KDM4C: variants seen among roughly 807,000 people sequenced by gnomAD.
KDM4C encodes lysine-specific demethylase 4C.
A neutral mutation model predicts 129.3 loss-of-function variants in KDM4C; 81 were observed. That is an observed-to-expected ratio of 0.63 (90% CI 0.52 to 0.75). The LOEUF is 0.75. Ranked by LOEUF, KDM4C falls within the 30% of genes least tolerant of loss-of-function variation. KDM4C has a pLI of 0.00. For missense variants in KDM4C, 1,457 were observed against 1,304.0 expected (o/e 1.12, Z -1.81); for synonymous variants, 573 against 456.1 (o/e 1.26, Z -3.26).
At chr9:6,757,814 C>A, upstream of KDM4C, 2 of 985,618 alleles carry the variant, frequency 2.0e-6, no homozygotes, top group Non-Finnish European at 2.4e-6. Context: ...GTCCAAAGGA[C>A]AAGAAGATGC....
intron 18 of KDM4C, among the ~76,000 whole-genome samples, chr9:7,122,257 A>ACTCTCTCTCTCT (rs1177380751): frequency 9.4e-6 from 1 of 105,968 alleles, no homozygotes; most frequent in East Asian, 2.2e-4. Flanking sequence ...ACACACACAC[A>ACTCTCTCTCTCT]CACACACACT....
intron 8 of KDM4C, among the ~76,000 whole-genome samples, chr9:6,963,931 A>G (rs573511240): frequency 1.3e-5 from 2 of 152,270 alleles, no homozygotes; most frequent in African/African-American, 4.8e-5. Context: ...GCAGAGGAGT[A>G]TTTGAATGTT....
rs565797919 is a variant in KDM4C, at chr9:7,020,141, A to G, written c.2259+4212A>G. ...TCCATTCACGTCCATTAAAATAAAA[A>G]CCAAAATATATATTGCAGCTTCAAT... On this transcript the variant is annotated intron_variant, in intron 15 of 21. Coordinates refer to ENST00000381309, the MANE Select transcript of KDM4C (RefSeq NM_015061.6). Among the ~76,000 whole-genome samples the G allele has an allele frequency of 1.2e-4, 18 of 152,246 alleles. 1 individual carries two copies. Among genetic ancestry groups the G allele is most frequent in the Admixed American group, 9.8e-4 (15 of 15,294 alleles).
intron 2 of KDM4C, among the ~76,000 whole-genome samples, chr9:6,801,139 G>T (rs1019668128): frequency 6.7e-6 from 1 of 149,452 alleles, no homozygotes; most frequent in African/African-American, 2.5e-5. Flanking sequence ...CTTGACTTGA[G>T]TTTCAGAGTT....
At chr9:6,857,304 A>C (rs942212497) in intron 5 of KDM4C, among the ~76,000 whole-genome samples, 1 of 152,258 alleles carries the variant, frequency 6.6e-6, no homozygotes, top group African/African-American at 2.4e-5. Flanking sequence ...ACCCCAAAAC[A>C]GAAAAGATAA....
At chr9:7,159,110 CTT>C (rs1003100542) in intron 19 of KDM4C, among the ~76,000 whole-genome samples, 18 of 152,272 alleles carry the variant, frequency 1.2e-4, no homozygotes, top group South Asian at 2.1e-4. Flanking sequence ...TTCTTTGTCT[CTT>C]TTGATTTTGT....
intron 19 of KDM4C, among the ~76,000 whole-genome samples, chr9:7,146,244 C>T (rs1842204397): frequency 1.3e-5 from 2 of 152,320 alleles, no homozygotes; most frequent in African/African-American, 4.8e-5. Flanking sequence ...TACTGATTAT[C>T]TTTGGAGAGT....
At chr9:6,772,022 A>C (rs1821947374) in intron 1 of KDM4C, among the ~76,000 whole-genome samples, 1 of 152,206 alleles carries the variant, frequency 6.6e-6, no homozygotes, top group African/African-American at 2.4e-5. Flanking sequence ...GTGAAATGCA[A>C]ATTTTGGAAA....
At chr9:7,010,223 T>C (rs1275603665) in intron 12 of KDM4C, among the ~76,000 whole-genome samples, 1 of 152,208 alleles carries the variant, frequency 6.6e-6, no homozygotes, top group Non-Finnish European at 1.5e-5. Context: ...ATTACTTCAT[T>C]GCAAATATAG....
At chr9:6,801,902 C>A (rs138750804) in intron 2 of KDM4C, among the ~76,000 whole-genome samples, 4,983 of 151,742 alleles carry the variant, frequency 0.033, 256 homozygotes, top group African/African-American at 0.11. Context: ...GTCAGGAGTT[C>A]GAGACCAGCC....
At chr9:6,752,806 T>G (rs1191496923), upstream of KDM4C, among the ~76,000 whole-genome samples, 2 of 152,206 alleles carry the variant, frequency 1.3e-5, no homozygotes, top group Non-Finnish European at 2.9e-5. Flanking sequence ...CTATTTCCTA[T>G]TATAATCAGA....
chr9:6,915,020 T>C (rs1446534591), intron 8 of KDM4C, among the ~76,000 whole-genome samples: 1 of 152,240 alleles, frequency 6.6e-6, no homozygotes, highest in Admixed American at 6.5e-5. Context: ...GTGTTGGACT[T>C]ATAAAAAGGG....
At chr9:6,798,709 C>T (rs1308050268) in intron 2 of KDM4C, among the ~76,000 whole-genome samples, 1 of 152,350 alleles carries the variant, frequency 6.6e-6, no homozygotes. Flanking sequence ...TTCTATTCCA[C>T]AAAACCGCCA....
chr9:7,162,646 A>G (rs1338565571), intron 19 of KDM4C, among the ~76,000 whole-genome samples: 3 of 152,186 alleles, frequency 2.0e-5, no homozygotes, highest in Admixed American at 2.0e-4. Flanking sequence ...TATGGTACCT[A>G]AAATTGCAAG....
At chr9:7,108,927 T>G (rs1470459100) in intron 18 of KDM4C, among the ~76,000 whole-genome samples, 1 of 152,160 alleles carries the variant, frequency 6.6e-6, no homozygotes, top group Non-Finnish European at 1.5e-5. Context: ...TCAGTACACT[T>G]TTATGTGAAT....
intron 15 of KDM4C, among the ~76,000 whole-genome samples, chr9:7,019,731 T>G (rs1487202737): frequency 9.3e-6 from 1 of 107,836 alleles, no homozygotes; most frequent in Non-Finnish European, 1.8e-5. Flanking sequence ...AATATTTTTA[T>G]ATATAAAAAT....
At chr9:6,949,221 G>C (rs1827618260) in intron 8 of KDM4C, among the ~76,000 whole-genome samples, 1 of 149,496 alleles carries the variant, frequency 6.7e-6, no homozygotes, top group South Asian at 2.1e-4. Flanking sequence ...GGGCGGCCGG[G>C]CAGAGACGCT....
chr9:7,012,302 C>A (rs1464523932), intron 13 of KDM4C, among the ~76,000 whole-genome samples: 4 of 152,096 alleles, frequency 2.6e-5, no homozygotes, highest in Admixed American at 2.6e-4. Flanking sequence ...TAGTCTTGAG[C>A]TCCTGGCCTC....
chr9:6,748,828 C>T (rs761501335), intron 1 of KDM4C: 3 of 1,237,856 alleles, frequency 2.4e-6, no homozygotes, highest in Non-Finnish European at 3.6e-6. Flanking sequence ...TTCATATACT[C>T]ATCAAAACCA....
Sources: gnomAD v4.1 joint callset for allele counts (sites outside exome capture counted in the v4.1 genomes callset) on GRCh38, gnomAD v4.1.1 for gene constraint, MANE v1.5 for transcripts, NCBI Gene and HGNC (gene_info 2026-07-23, HGNC 2026-07-21) for gene names.